Variants in NUF2 observed in about 807,000 individuals in gnomAD.
NUF2 encodes NUF2 component of NDC80 kinetochore complex, also known as kinetochore protein Nuf2.
In NUF2, 34 loss-of-function variants were observed where a neutral mutation model predicts 61.8. That is an observed-to-expected ratio of 0.55 (90% confidence interval 0.42 to 0.73). The LOEUF is 0.73. NUF2 is among the 30% of genes least tolerant of loss of function. The probability of loss-of-function intolerance (pLI) is 0.00; values close to 1 mark genes in which losing one functional copy is unlikely to be tolerated. For synonymous variants in NUF2, 172 were observed against 181.6 expected (o/e 0.95, Z 0.42); for missense variants, 445 against 539.1 (o/e 0.83, Z 1.73).
At chr1:163,328,660 A>C (rs1650503748) in intron 4 of NUF2, 186 bp from the exon 5 acceptor site, 1 of 524,974 alleles carries the variant, frequency 1.9e-6, no homozygotes, top group Non-Finnish European at 3.3e-6. Flanking sequence ...CTACATGATT[A>C]ATATACAGAA....
chr1:163,328,943 T>A (rs769803891), intron 5 of NUF2, 36 bp downstream of exon 5: 29 of 1,199,812 alleles, frequency 2.4e-5, no homozygotes, highest in Middle Eastern at 2.0e-4. Context: ...AATGTCTGGC[T>A]TCGATCTACC....
rs566639367 is a variant in NUF2, at chr1:163,349,925, T to C, written c.1260+845T>C. ...TCTGTTTTTTGTTTTTTTTTTTCTA[T>C]ACCTCAACTACTTTTATTTTTCCTG... is the stretch of plus-strand genomic sequence containing the variant. On this transcript the variant is annotated intron_variant, in intron 13 of 13. Coordinates refer to ENST00000271452, the MANE Select transcript of NUF2 (RefSeq NM_145697.3). Among the ~76,000 whole-genome samples, 160 of 151,970 alleles carry C rather than the reference T, an allele frequency of 1.1e-3. 1 individual carries two copies. The highest frequency in any genetic ancestry group is 3.6e-3 in the African/African-American group (151 of 41,502).
chr1:163,343,972 C>A, intron 10 of NUF2, 102 bp downstream of exon 10: 1 of 615,190 alleles, frequency 1.6e-6, no homozygotes, highest in Non-Finnish European at 2.5e-6. Flanking sequence ...ATTATCTATA[C>A]TTCTCTTCCT....
chr1:163,342,674 A>G (rs779096150), intron 9 of NUF2, among the ~76,000 whole-genome samples: 1 of 152,122 alleles, frequency 6.6e-6, no homozygotes, highest in Non-Finnish European at 1.5e-5. Flanking sequence ...ACATATATAT[A>G]TATGTATGTA....
intron 2 of NUF2, among the ~76,000 whole-genome samples, chr1:163,326,594 C>T (rs1239179548): frequency 6.6e-6 from 1 of 151,926 alleles, no homozygotes; most frequent in Non-Finnish European, 1.5e-5. Context: ...ATGCATTATG[C>T]CCCAGGGGGA....
intron 2 of NUF2, among the ~76,000 whole-genome samples, chr1:163,326,891 G>A (rs965443557): frequency 1.3e-5 from 2 of 152,030 alleles, no homozygotes; most frequent in African/African-American, 2.4e-5. Flanking sequence ...TATATTTCCC[G>A]TCTTAATGCT....
intron 5 of NUF2, among the ~76,000 whole-genome samples, chr1:163,330,449 A>C (rs1362664315): frequency 5.9e-5 from 9 of 152,174 alleles, no homozygotes; most frequent in Admixed American, 6.5e-5. Flanking sequence ...CTTTATGTCA[A>C]GCAGTACTTT....
chr1:163,327,222 G>T (rs1449793560), intron 2 of NUF2, among the ~76,000 whole-genome samples: 3 of 151,962 alleles, frequency 2.0e-5, no homozygotes, highest in Admixed American at 1.3e-4. Context: ...ATTTCCTAAG[G>T]TGGATGGGTT....
At position 163,355,443 on chromosome 1, in the gene NUF2, A is replaced by G; in HGVS notation, c.1369A>G (p.Arg457Gly). 1 of 1,597,286 alleles carries G rather than the reference A, an allele frequency of 6.3e-7. No individual in the cohort carries two copies. Among genetic ancestry groups the G allele is most frequent in the Non-Finnish European group, 8.5e-7 (1 of 1,172,012 alleles). ...KIDEKTAELK[R>G]KMFKMST ...AGATGAGAAGACAGCTGAACTGAAG[A>G]GGAAGATGTTCAAAATGTCAACCTG... The change falls in exon 14 of 14, where the codon AGG becomes GGG. Residue 457 changes from arginine (R) to glycine (G), a missense_variant. Physicochemically the swap from Arg to Gly is moderately radical, Grantham distance 125. Transcript: ENST00000271452.
intron 7 of NUF2, among the ~76,000 whole-genome samples, chr1:163,338,718 A>C (rs138241437): frequency 0.013 from 2,010 of 152,204 alleles, 21 homozygotes; most frequent in South Asian, 0.03. Context: ...CCACCAACTA[A>C]ATCAAAACAA....
chr1:163,348,760 C>T lies in NUF2; in HGVS notation c.1125-185C>T, dbSNP rs191936726. Among the ~76,000 whole-genome samples, 27 of 152,188 alleles carry T rather than the reference C, an allele frequency of 1.8e-4. No individual in the cohort carries two copies. In the Middle Eastern group the frequency reaches 0.01, roughly 58 times the overall value. On this transcript the variant is annotated intron_variant, in intron 12 of 13. Transcript: ENST00000271452. ...AATATATTGAGAGAAAGAGTTCACA[C>T]TATGTTGTGATGTGATTATAGTACC...
intron 6 of NUF2, 95 bp downstream of exon 6, chr1:163,336,943 A>T: frequency 1.1e-5 from 8 of 750,092 alleles, no homozygotes; most frequent in Non-Finnish European, 1.8e-5. Flanking sequence ...TAGACAGCAA[A>T]TTGCTGTATT....
chr1:163,332,015 G>A (rs1401162134), intron 5 of NUF2, among the ~76,000 whole-genome samples: 2 of 151,170 alleles, frequency 1.3e-5, no homozygotes, highest in African/African-American at 4.9e-5. Flanking sequence ...GTTATTTTGG[G>A]TTTCATTTAC....
At chr1:163,333,699 A>G (rs573921427) in intron 5 of NUF2, among the ~76,000 whole-genome samples, 3 of 152,114 alleles carry the variant, frequency 2.0e-5, no homozygotes, top group African/African-American at 7.2e-5. Flanking sequence ...ATATACTTTT[A>G]TTTTCTCCAC....
At chr1:163,328,342 C>A (rs1261580522) in intron 4 of NUF2, 38 bp downstream of exon 4, 2 of 1,256,758 alleles carry the variant, frequency 1.6e-6, no homozygotes, top group Non-Finnish European at 2.3e-6. Flanking sequence ...CGTCTACATT[C>A]GTATTTATAT....
At chr1:163,328,704 A>G in intron 4 of NUF2, 142 bp from the exon 5 acceptor site, 1 of 606,754 alleles carries the variant, frequency 1.6e-6, no homozygotes, top group East Asian at 2.8e-5. Context: ...GTTATACATT[A>G]TAGTAGAATT....
chr1:163,336,074 TC>T (rs200049685), intron 5 of NUF2, among the ~76,000 whole-genome samples: 3 of 149,344 alleles, frequency 2.0e-5, no homozygotes, highest in African/African-American at 7.3e-5. Context: ...TTAATATGTT[TC>T]TGTTGATTGA....
chr1:163,335,247 C>T (rs1650719292), intron 5 of NUF2, among the ~76,000 whole-genome samples: 1 of 152,152 alleles, frequency 6.6e-6, no homozygotes, highest in Admixed American at 6.5e-5. Flanking sequence ...CCACCACACC[C>T]AGCCACTATG....
intron 13 of NUF2, among the ~76,000 whole-genome samples, chr1:163,354,881 A>T (rs1298762176): frequency 6.6e-6 from 1 of 152,050 alleles, no homozygotes; most frequent in South Asian, 2.1e-4. Flanking sequence ...TGATCAGTTT[A>T]TTCAAACAAC....
Sources: gnomAD v4.1 joint callset for allele counts (sites outside exome capture counted in the v4.1 genomes callset) on GRCh38, gnomAD v4.1.1 for gene constraint, MANE v1.5 for transcripts, NCBI Gene and HGNC (gene_info 2026-07-23, HGNC 2026-07-21) for gene names.